The following LYZL4 variants were observed in gnomAD, a reference collection of about 807,000 sequenced individuals.
LYZL4 encodes the protein lysozyme like 4.
Under a neutral mutation model 17.6 loss-of-function variants are expected in LYZL4, and 13 were observed. That is an observed-to-expected ratio of 0.74 (90% CI 0.48 to 1.18). The LOEUF is 1.18. Ranked by LOEUF, LYZL4 falls within the 50% of genes most tolerant of loss-of-function variation. The pLI, the probability that LYZL4 is intolerant of heterozygous loss-of-function variation, is 0.00. For synonymous variants in LYZL4, 64 were observed against 67.7 expected (o/e 0.95, Z 0.27); for missense variants, 174 against 188.2 (o/e 0.92, Z 0.44).
At chr3:42,374,231 A>G in the LYZL4 span, among the ~76,000 whole-genome samples, 1 of 152,222 alleles carries the variant, frequency 6.6e-6, no homozygotes, top group Non-Finnish European at 1.5e-5. Context: ...AAAGGCACTG[A>G]AAGGTTGATC....
At chr3:42,399,732 G>A (rs60868285) in intron 4 of LYZL4, among the ~76,000 whole-genome samples, 2,505 of 152,226 alleles carry the variant, frequency 0.016, 61 homozygotes, top group African/African-American at 0.058. Flanking sequence ...ATAATAAATG[G>A]TAAATTTAAA....
At chr3:42,387,516 A>G in the LYZL4 span, among the ~76,000 whole-genome samples, 1 of 152,284 alleles carries the variant, frequency 6.6e-6, no homozygotes, top group Middle Eastern at 3.4e-3. Context: ...CAGAGGGTGA[A>G]GCATCCTTAT....
chr3:42,409,393 T>C (rs1171855572), intron 1 of LYZL4, among the ~76,000 whole-genome samples: 1 of 152,224 alleles, frequency 6.6e-6, no homozygotes, highest in African/African-American at 2.4e-5. Flanking sequence ...ACCCTGGAAC[T>C]TAAATTATAA....
At chr3:42,365,260 A>G in the LYZL4 span, among the ~76,000 whole-genome samples, 4 of 152,232 alleles carry the variant, frequency 2.6e-5, no homozygotes, top group Non-Finnish European at 4.4e-5. Flanking sequence ...ACAAAACTGC[A>G]TAGTATGATT....
chr3:42,365,148 A>T, the LYZL4 span, among the ~76,000 whole-genome samples: 5 of 152,228 alleles, frequency 3.3e-5, no homozygotes, highest in Non-Finnish European at 5.9e-5. Context: ...GGTTTGGATA[A>T]ACCAGCTATA....
At chr3:42,377,127 T>C in the LYZL4 span, among the ~76,000 whole-genome samples, 6 of 152,192 alleles carry the variant, frequency 3.9e-5, no homozygotes, top group Admixed American at 3.9e-4. Flanking sequence ...AGTAGGACAG[T>C]ATTCCAGAGC....
chr3:42,400,844 G>A (rs1440569180), intron 4 of LYZL4, among the ~76,000 whole-genome samples: 1 of 152,142 alleles, frequency 6.6e-6, no homozygotes, highest in Non-Finnish European at 1.5e-5. Context: ...GGTAGTGTAG[G>A]CCTGCCATCA....
the LYZL4 span, among the ~76,000 whole-genome samples, chr3:42,362,343 G>A: frequency 6.6e-6 from 1 of 152,152 alleles, no homozygotes; most frequent in Non-Finnish European, 1.5e-5. Flanking sequence ...GATTTAGAAA[G>A]GCACCATCTG....
Sources: gnomAD v4.1 joint callset for allele counts (sites outside exome capture counted in the v4.1 genomes callset) on GRCh38, gnomAD v4.1.1 for gene constraint, MANE v1.5 for transcripts, NCBI Gene and HGNC (gene_info 2026-07-23, HGNC 2026-07-21) for gene names.